PTPRD: variants seen among roughly 807,000 people sequenced by gnomAD.
The protein encoded by PTPRD is receptor-type tyrosine-protein phosphatase delta.
In PTPRD, 34 loss-of-function variants were observed where a neutral mutation model predicts 214.5. The ratio of observed to expected loss-of-function variants is 0.16; its 90% confidence interval spans 0.12 to 0.21. PTPRD has a LOEUF of 0.21. PTPRD is among the 10% of genes least tolerant of loss of function. The pLI is 1.00. For synonymous variants in PTPRD, 1,128 were observed against 845.7 expected, an observed-to-expected ratio of 1.33 and a Z score of -5.79; for missense variants, 2,545 against 2,398.7, an observed-to-expected ratio of 1.06 and a Z score of -1.27.
intron 9 of PTPRD, among the ~76,000 whole-genome samples, chr9:9,391,040 A>G (rs2065664358): frequency 6.6e-6 from 1 of 152,192 alleles, no homozygotes; most frequent in Non-Finnish European, 1.5e-5. Flanking sequence ...CTTTGCTTTA[A>G]GCATAAGAGA....
chr9:10,263,634 G>A (rs2093847158), intron 3 of PTPRD, among the ~76,000 whole-genome samples: 1 of 152,066 alleles, frequency 6.6e-6, no homozygotes, highest in African/African-American at 2.4e-5. Flanking sequence ...TCAAGAGGAA[G>A]CAAAAAATAA....
chr9:10,494,868 G>C (rs984577319), intron 2 of PTPRD, among the ~76,000 whole-genome samples: 1 of 151,200 alleles, frequency 6.6e-6, no homozygotes, highest in Non-Finnish European at 1.5e-5. Context: ...GCAAATTATA[G>C]CATATAATGT....
chr9:8,651,541 G>A (rs1180149142), intron 12 of PTPRD, among the ~76,000 whole-genome samples: 1 of 152,166 alleles, frequency 6.6e-6, no homozygotes, highest in Non-Finnish European at 1.5e-5. Context: ...ACAGTGTAAT[G>A]CAGTAATGTA....
intron 11 of PTPRD, among the ~76,000 whole-genome samples, chr9:8,776,652 G>A (rs1215051674): frequency 6.6e-6 from 1 of 151,924 alleles, no homozygotes; most frequent in East Asian, 1.9e-4. Flanking sequence ...GGCTCTGTAA[G>A]ATTATTTTAG....
At chr9:10,454,875 TA>T (rs1021380286) in intron 2 of PTPRD, among the ~76,000 whole-genome samples, 3 of 151,438 alleles carry the variant, frequency 2.0e-5, no homozygotes, top group African/African-American at 7.3e-5. Flanking sequence ...AGAGTGGTCC[TA>T]AAGATGAAAC....
At chr9:9,595,375 G>GAT (rs891876243) in intron 7 of PTPRD, among the ~76,000 whole-genome samples, 7 of 138,254 alleles carry the variant, frequency 5.1e-5, no homozygotes, top group South Asian at 2.2e-4. Flanking sequence ...GATAAACTGT[G>GAT]ATATATATAT....
intron 9 of PTPRD, among the ~76,000 whole-genome samples, chr9:9,322,151 C>G (rs1966845094): frequency 6.6e-6 from 1 of 152,104 alleles, no homozygotes; most frequent in Non-Finnish European, 1.5e-5. Context: ...TGAGTTAAAT[C>G]AACAAAATGG....
chr9:8,652,426 G>A (rs1260339646), intron 12 of PTPRD, among the ~76,000 whole-genome samples: 1 of 152,222 alleles, frequency 6.6e-6, no homozygotes, highest in Admixed American at 6.5e-5. Flanking sequence ...AACAGAAGCT[G>A]TGGCTGACAG....
Position 8,484,123 on chromosome 9 carries a change from T to C in PTPRD, c.3409A>G (p.Ile1137Val). 1.2e-6 allele frequency: 2 copies of C among 1,613,240 alleles called. No individual in the cohort carries two copies. Among genetic ancestry groups the C allele is most frequent in the East Asian group, 2.2e-5 (1 of 44,840 alleles). The change falls in exon 30 of 46, where the codon ATA becomes GTA. Residue 1137 changes from isoleucine (I) to valine (V), a missense_variant. Physicochemically the swap from Ile to Val is conservative, Grantham distance 29 (BLOSUM62 3). Transcript: ENST00000381196. ...QLPEVPANEN[I>V]KGYYIIIVPL... ...CTAAGCCTTCAATCAACTTACTTTA[T>C]ATTCTCATTTGCAGGTACTTCAGGC...
intron 26 of PTPRD, among the ~76,000 whole-genome samples, chr9:8,494,969 C>G (rs2097229512): frequency 6.6e-6 from 1 of 152,088 alleles, no homozygotes; most frequent in Non-Finnish European, 1.5e-5. Context: ...TGCTTCTTGT[C>G]CCTGACTGTT....
intron 8 of PTPRD, among the ~76,000 whole-genome samples, chr9:9,456,101 A>G (rs923879444): frequency 6.6e-6 from 1 of 151,922 alleles, no homozygotes; most frequent in Admixed American, 6.6e-5. Context: ...ATAAACTGTT[A>G]CAGGTAGAAT....
At chr9:9,432,694 A>G (rs1263048061) in intron 8 of PTPRD, among the ~76,000 whole-genome samples, 2 of 152,222 alleles carry the variant, frequency 1.3e-5, no homozygotes, top group African/African-American at 4.8e-5. Context: ...GGATTTCACA[A>G]TGCTAAGCAA....
In PTPRD at chr9:8,748,988, T is replaced by G. The variant is rs1474122360; in HGVS notation, c.-103-15042A>C. On this transcript the variant is annotated intron_variant, in intron 11 of 45. Transcript: ENST00000381196. ...CTCCATCACACAAATTTAGTGCTTA[T>G]TTCAACACACATGTGAAAATATGTA... 2.0e-5 allele frequency among the ~76,000 whole-genome samples: 3 copies of G among 150,838 alleles called. No homozygotes were observed. The East Asian group carries it at 5.8e-4, about 29-fold the overall frequency.
chr9:8,451,336 G>A (rs1405864049), intron 33 of PTPRD, among the ~76,000 whole-genome samples: 5 of 152,126 alleles, frequency 3.3e-5, no homozygotes, highest in Non-Finnish European at 7.3e-5. Context: ...GGGACAAAAT[G>A]TGCTGCCAAC....
At chr9:9,812,495 G>A (rs2047447716) in intron 5 of PTPRD, among the ~76,000 whole-genome samples, 1 of 152,060 alleles carries the variant, frequency 6.6e-6, no homozygotes, top group Non-Finnish European at 1.5e-5. Flanking sequence ...GATATTCCAT[G>A]GAAATGGTAA....
intron 7 of PTPRD, among the ~76,000 whole-genome samples, chr9:9,627,961 TG>T (rs1287110556): frequency 6.6e-6 from 1 of 152,026 alleles, no homozygotes; most frequent in Non-Finnish European, 1.5e-5. Flanking sequence ...TTTTTTTAAG[TG>T]GCACATCAAT....
At chr9:9,489,656 G>T (rs1199725179) in intron 8 of PTPRD, among the ~76,000 whole-genome samples, 1 of 152,052 alleles carries the variant, frequency 6.6e-6, no homozygotes, top group African/African-American at 2.4e-5. Context: ...TTCAAGGGAA[G>T]ATTTGATTAG....
intron 2 of PTPRD, among the ~76,000 whole-genome samples, chr9:10,538,247 TA>T (rs2058297383): frequency 4.2e-5 from 1 of 24,022 alleles, no homozygotes; most frequent in East Asian, 7.4e-4. Context: ...ATAAAATAAA[TA>T]AATAAATAAA....
chr9:9,874,742 C>A (rs1391054957), intron 5 of PTPRD, among the ~76,000 whole-genome samples: 2 of 152,152 alleles, frequency 1.3e-5, no homozygotes, highest in African/African-American at 4.8e-5. Flanking sequence ...CCCTAAATCA[C>A]GTGAATTAAT....
Sources: gnomAD v4.1 joint callset for allele counts (sites outside exome capture counted in the v4.1 genomes callset) on GRCh38, gnomAD v4.1.1 for gene constraint, MANE v1.5 for transcripts, NCBI Gene and HGNC (gene_info 2026-07-23, HGNC 2026-07-21) for gene names.